The following CHODL variants were observed in gnomAD, a reference collection of about 807,000 sequenced individuals.
CHODL encodes chondrolectin.
CHODL carries 29 observed loss-of-function variants against 34.5 expected under a neutral mutation model. The ratio of observed to expected loss-of-function variants is 0.84; its 90% CI spans 0.63 to 1.15. The LOEUF (loss-of-function observed/expected upper bound fraction) is 1.15, where lower values mean the gene tolerates loss of function less well. Ranked by LOEUF, CHODL falls within the 50% of genes most tolerant of loss-of-function variation. The pLI, the probability that CHODL is intolerant of heterozygous loss-of-function variation, is 0.00. For missense variants in CHODL, 332 were observed against 332.5 expected, an observed-to-expected ratio of 1.00 and a Z score of 0.01; for synonymous variants, 125 against 116.1, an observed-to-expected ratio of 1.08 and a Z score of -0.49.
At chr21:18,002,672 C>G (rs891301029) in intron 1 of CHODL, among the ~76,000 whole-genome samples, 4 of 152,158 alleles carry the variant, frequency 2.6e-5, no homozygotes, top group African/African-American at 9.7e-5. Flanking sequence ...CAGACCTCAT[C>G]AAGCCCCATA....
chr21:18,177,744 T>G (rs972927422), intron 2 of CHODL, among the ~76,000 whole-genome samples: 2 of 152,162 alleles, frequency 1.3e-5, no homozygotes, highest in African/African-American at 2.4e-5. Context: ...TGTTATATTA[T>G]CTACTTGACA....
chr21:18,017,496 C>T (rs533020743), intron 1 of CHODL, among the ~76,000 whole-genome samples: 86 of 152,334 alleles, frequency 5.6e-4, no homozygotes, highest in African/African-American at 1.3e-3. Flanking sequence ...CTCAGGCTGA[C>T]GCTTCAGAGG....
chr21:17,975,727 GGTTTCCTCAATAA>G (rs915482260), intron 1 of CHODL, among the ~76,000 whole-genome samples: 7 of 152,072 alleles, frequency 4.6e-5, no homozygotes, highest in Non-Finnish European at 1.0e-4. Context: ...TCTTAAATGT[GGTTTCCTCAATAA>G]GACCTTCCAT....
intron 2 of CHODL, among the ~76,000 whole-genome samples, chr21:18,121,400 G>A (rs1185818839): frequency 1.3e-5 from 2 of 152,156 alleles, no homozygotes; most frequent in Non-Finnish European, 2.9e-5. Context: ...ATGTTTTAGA[G>A]GATAACTCCA....
In CHODL at chr21:18,125,957, AG is replaced by A. The variant is rs2146585077; in HGVS notation, c.-45+97989del. On this transcript the variant is annotated intron_variant, in intron 2 of 6. Coordinates refer to the CHODL transcript ENST00000400127. ...GCTATCAAACAGTATCACATGCTACAGGGAAATCTTTCATGAAATGAAGAGT... is the reference window on the plus strand; with the variant it reads ...GCTATCAAACAGTATCACATGCTACAGGAAATCTTTCATGAAATGAAGAGT... Among the ~76,000 whole-genome samples the A allele has an allele frequency of 1.3e-5, 2 of 152,344 alleles. 1 individual carries two copies. Among genetic ancestry groups the A allele is most frequent in the South Asian group, 4.1e-4 (2 of 4,824 alleles).
chr21:18,162,966 C>A (rs1264105660), intron 2 of CHODL, among the ~76,000 whole-genome samples: 1 of 152,164 alleles, frequency 6.6e-6, no homozygotes, highest in African/African-American at 2.4e-5. Flanking sequence ...GATTGCTATA[C>A]TGTGTTCCAC....
At chr21:17,999,860 G>A (rs1218883027) in intron 1 of CHODL, among the ~76,000 whole-genome samples, 1 of 152,154 alleles carries the variant, frequency 6.6e-6, no homozygotes, top group Non-Finnish European at 1.5e-5. Flanking sequence ...TTCTTGACAT[G>A]GTTTGTCAGT....
chr21:18,037,194 A>G (rs997802277), intron 2 of CHODL, among the ~76,000 whole-genome samples: 3 of 151,978 alleles, frequency 2.0e-5, no homozygotes, highest in African/African-American at 7.2e-5. Context: ...TAATAATTAG[A>G]AAACTTATAC....
At chr21:18,217,812 C>A (rs892879111) in intron 2 of CHODL, among the ~76,000 whole-genome samples, 3 of 152,062 alleles carry the variant, frequency 2.0e-5, no homozygotes, top group Non-Finnish European at 4.4e-5. Context: ...GTAAATACAC[C>A]CATTTAAAAT....
intron 2 of CHODL, among the ~76,000 whole-genome samples, chr21:18,093,899 A>G (rs1471335483): frequency 6.6e-6 from 1 of 152,146 alleles, no homozygotes; most frequent in Non-Finnish European, 1.5e-5. Context: ...ATAACATTGC[A>G]TGTAAATGGA....
At chr21:18,208,863 C>G (rs1245820013) in intron 2 of CHODL, among the ~76,000 whole-genome samples, 3 of 151,454 alleles carry the variant, frequency 2.0e-5, no homozygotes, top group Non-Finnish European at 2.9e-5. Context: ...TTCTCTCTCT[C>G]TGTCCCCCCC....
intron 1 of CHODL, among the ~76,000 whole-genome samples, chr21:18,251,371 A>G (rs2074234164): frequency 7.6e-6 from 1 of 131,172 alleles, no homozygotes; most frequent in Non-Finnish European, 1.6e-5. Flanking sequence ...TTTATATAAA[A>G]TAAATGTATT....
chr21:18,265,929 A>T (rs1343129207), intron 5 of CHODL, 25 bp from the exon 6 acceptor site: 1 of 1,597,784 alleles, frequency 6.3e-7, no homozygotes, highest in East Asian at 2.2e-5. Context: ...TTTAGGCACT[A>T]AACATTTTTT....
intron 1 of CHODL, among the ~76,000 whole-genome samples, chr21:17,927,126 A>ATATATATGTATATATGTATATATG (rs200122044): frequency 2.6e-5 from 3 of 113,362 alleles, no homozygotes; most frequent in African/African-American, 1.2e-4. Context: ...GTATATATGT[A>ATATATATGTATATATGTATATATG]TATATATGTA....
At chr21:18,227,970 A>G (rs932669447) in intron 2 of CHODL, among the ~76,000 whole-genome samples, 6 of 152,130 alleles carry the variant, frequency 3.9e-5, no homozygotes, top group African/African-American at 1.4e-4. Context: ...CTGACAACTA[A>G]CAATAATAAG....
chr21:18,235,182 G>A (rs1390678388), intron 2 of CHODL, among the ~76,000 whole-genome samples: 1 of 152,014 alleles, frequency 6.6e-6, no homozygotes, highest in African/African-American at 2.4e-5. Context: ...AATTTGAAGG[G>A]CCACAAATGA....
intron 2 of CHODL, among the ~76,000 whole-genome samples, chr21:18,227,990 G>T (rs2146750179): frequency 6.6e-6 from 1 of 152,156 alleles, no homozygotes; most frequent in East Asian, 1.9e-4. Context: ...GTTGGCTATG[G>T]TTGGACCACA....
At chr21:18,018,163 C>T (rs975024745) in intron 1 of CHODL, among the ~76,000 whole-genome samples, 2 of 152,166 alleles carry the variant, frequency 1.3e-5, no homozygotes, top group Non-Finnish European at 2.9e-5. Context: ...TGCCTTGTCT[C>T]AGATGAGACT....
chr21:17,942,380 C>A (rs1189570296), intron 1 of CHODL, among the ~76,000 whole-genome samples: 1 of 152,070 alleles, frequency 6.6e-6, no homozygotes, highest in African/African-American at 2.4e-5. Context: ...TTTATGAGAT[C>A]TGATGGTTGT....
Sources: gnomAD v4.1 joint callset for allele counts (sites outside exome capture counted in the v4.1 genomes callset) on GRCh38, gnomAD v4.1.1 for gene constraint, MANE v1.5 for transcripts, NCBI Gene and HGNC (gene_info 2026-07-23, HGNC 2026-07-21) for gene names.